The following ZNF571 variants were observed in gnomAD, a reference collection of about 807,000 sequenced individuals.
ZNF571 encodes zinc finger protein 571.
Under a neutral mutation model 7.7 loss-of-function variants are expected in ZNF571, and 4 were observed. That is an observed-to-expected ratio of 0.52 (90% CI 0.25 to 1.18). The LOEUF (loss-of-function observed/expected upper bound fraction) is 1.18, where lower values mean the gene tolerates loss of function less well. Among genes scored for constraint, ZNF571 ranks in the 50% most tolerant of loss-of-function variants. The pLI, the probability that ZNF571 is intolerant of heterozygous loss-of-function variation, is 0.14. For synonymous variants in ZNF571, 251 were observed against 232.4 expected (o/e 1.08, Z -0.73); for missense variants, 704 against 726.9 (o/e 0.97, Z 0.36).
At chr19:37,570,762 C>T (rs1033511693) in intron 3 of ZNF571, among the ~76,000 whole-genome samples, 2 of 152,138 alleles carry the variant, frequency 1.3e-5, no homozygotes, top group Non-Finnish European at 1.5e-5. Flanking sequence ...AATTCAAATA[C>T]TACCAAACTT....
Position 37,586,705 on chromosome 19 carries a change from G to C in ZNF571, c.-29C>G. On this transcript the variant is annotated 5_prime_UTR_variant, in exon 2 of 4. Coordinates refer to ENST00000451802, the MANE Select transcript of ZNF571 (RefSeq NM_016536.5). ...TTTTTAGAACTGATCAATTTTCTGG[G>C]TTCTTCTCCTGGAGGTGTGCAAAGT... is the stretch of plus-strand genomic sequence containing the variant. 6.2e-7 allele frequency: 1 copy of C among 1,613,920 alleles called. No homozygotes were observed. The highest frequency in any genetic ancestry group is 1.1e-5 in the South Asian group (1 of 91,052).
At chr19:37,587,724 G>C (rs942084534) in intron 1 of ZNF571, among the ~76,000 whole-genome samples, 4 of 152,046 alleles carry the variant, frequency 2.6e-5, no homozygotes, top group Admixed American at 1.3e-4. Context: ...ATTTTGTTGG[G>C]TATAGTTGAG....
intron 3 of ZNF571, among the ~76,000 whole-genome samples, chr19:37,580,325 TCTTC>T (rs2043408833): frequency 6.6e-6 from 1 of 152,230 alleles, no homozygotes; most frequent in East Asian, 1.9e-4. Flanking sequence ...ATAGCTGCAG[TCTTC>T]ACCATCACAG....
chr19:37,570,440 T>C (rs534796507), intron 3 of ZNF571, among the ~76,000 whole-genome samples: 1 of 152,302 alleles, frequency 6.6e-6, no homozygotes, highest in African/African-American at 2.4e-5. Context: ...AAGATAGACA[T>C]AATTATAGCA....
intron 1 of ZNF571, among the ~76,000 whole-genome samples, chr19:37,589,516 G>A (rs924571987): frequency 1.3e-5 from 2 of 151,948 alleles, no homozygotes; most frequent in African/African-American, 2.4e-5. Flanking sequence ...CATTCAACAT[G>A]TAAAATGCTC....
intron 3 of ZNF571, among the ~76,000 whole-genome samples, chr19:37,578,922 G>C (rs1049330797): frequency 3.0e-4 from 46 of 152,188 alleles, no homozygotes; most frequent in African/African-American, 1.1e-3. Context: ...GCCCTAAACA[G>C]TGAAGTTCGG....
intron 3 of ZNF571, among the ~76,000 whole-genome samples, chr19:37,572,020 A>AT (rs371342978): frequency 2.0e-4 from 2 of 9,878 alleles, no homozygotes; most frequent in African/African-American, 9.6e-4. Flanking sequence ...GGCCATAATT[A>AT]GTACATTAGT....
rs201847427 is a variant in ZNF571, at chr19:37,566,202, G to A, written c.226C>T (p.Arg76Cys). The A allele has an allele frequency of 9.2e-5, 148 of 1,613,690 alleles. No individual in the cohort carries two copies. Among genetic ancestry groups the A allele is most frequent in the Non-Finnish European group, 9.7e-5 (114 of 1,179,884 alleles). Residue 76 changes from arginine to cysteine, a missense_variant, in exon 4 of 4, where the codon CGT (arginine) becomes TGT (cysteine). Physicochemically the swap from Arg to Cys is radical, Grantham distance 180 (BLOSUM62 -3). Transcript: ENST00000451802. ...TTGTATTGAAGGTGATGGTTGATAC[G>A]TTTCCCCATATTCTCCCACTGGAGT... ...ESLQWENMGK[R>C]INHHLQYNGL...
rs1490606367 is a variant in ZNF571, at chr19:37,566,135, C to T, written c.293G>A (p.Gly98Asp). ...AAGCCCTTCCTGACTTGCTTCTTGA[C>T]CCTCTAAGTTGCCTTTGCACTCCAT... ...DNMECKGNLE[G>D]QEASQEGLYM... The change falls in exon 4 of 4, where the codon GGT becomes GAT. Residue 98 changes from glycine to aspartate, a missense_variant. By Grantham distance (94) the Gly-to-Asp change is moderately conservative. Transcript: ENST00000451802. The T allele has an allele frequency of 6.2e-7, 1 of 1,613,976 alleles. No homozygotes were observed. The highest frequency in any genetic ancestry group is 1.1e-5 in the South Asian group (1 of 91,070).
rs368992991 is a variant in ZNF571, at chr19:37,565,946, T to G, written c.482A>C (p.His161Pro). ...AACTTCAGAGCATTTTTCTATATTATGATTTTCCTCATGTTGAATAAGGCA... is the reference window on the plus strand; with the variant it reads ...AACTTCAGAGCATTTTTCTATATTAGGATTTTCCTCATGTTGAATAAGGCA... ...LSCLIQHEEN[H>P]NIEKCSEVKK... The change falls in exon 4 of 4, where the codon CAT (histidine) becomes CCT (proline). Residue 161 changes from histidine (H) to proline (P), a missense_variant. Physicochemically the swap from His to Pro is moderately conservative, Grantham distance 77. Transcript: ENST00000451802. 1 of 1,613,752 alleles carries G rather than the reference T, an allele frequency of 6.2e-7. No individual in the cohort carries two copies. Among genetic ancestry groups the G allele is most frequent in the Non-Finnish European group, 8.5e-7 (1 of 1,179,840 alleles).
rs372752568 is a variant in ZNF571 at position 37,565,454 on chromosome 19, T to C, written c.974A>G (p.His325Arg). The change falls in exon 4 of 4, where the codon CAT (histidine) becomes CGT (arginine). Residue 325 changes from histidine to arginine, a missense_variant. By Grantham distance (29) the His-to-Arg change is conservative. Coordinates refer to ENST00000451802, the MANE Select transcript of ZNF571 (RefSeq NM_016536.5). Reference protein sequence around the residue: ...AFILGSHLTYHQRVHTGEKPY... With the variant: ...AFILGSHLTYRQRVHTGEKPY... ...CTTTTCACCAGTATGAACTCTCTGA[T>C]GGTATGTAAGGTGTGAACCAAGAAT... 1 of 1,613,222 alleles carries C rather than the reference T, an allele frequency of 6.2e-7. No individual in the cohort carries two copies. The highest frequency in any genetic ancestry group is 1.3e-5 in the African/African-American group (1 of 74,848).
chr19:37,586,026 C>G (rs913941903), intron 2 of ZNF571: 4 of 152,244 alleles, frequency 2.6e-5, no homozygotes, highest in Non-Finnish European at 5.9e-5. Flanking sequence ...CCAGAAGGAA[C>G]ATGGCTCTGC....
chr19:37,564,935 C>T lies in ZNF571; in HGVS notation c.1493G>A (p.Gly498Asp). 1.9e-6 allele frequency: 3 copies of T among 1,613,950 alleles called. No individual in the cohort carries two copies. The highest frequency in any genetic ancestry group is 1.1e-5 in the South Asian group (1 of 91,068). The change falls in exon 4 of 4, where the codon GGT (glycine) becomes GAT (aspartate). Residue 498 changes from glycine (G) to aspartate (D), a missense_variant. Transcript: ENST00000451802. ...QLTYHQRIHT[G>D]EKPYKCKECD... ...TTCCTTACATTTGTAGGGCTTTTCA[C>T]CTGTATGAATTCTTTGATGATATGT...
chr19:37,567,297 G>T (rs2042894987), intron 3 of ZNF571, among the ~76,000 whole-genome samples: 1 of 152,034 alleles, frequency 6.6e-6, no homozygotes, highest in Non-Finnish European at 1.5e-5. Flanking sequence ...CACATTGCTG[G>T]CATTCAATAT....
At chr19:37,583,724 A>G in intron 3 of ZNF571, 1 of 370,986 alleles carries the variant, frequency 2.7e-6, no homozygotes, top group Non-Finnish European at 4.9e-6. Context: ...GTGCATGGTC[A>G]TGCTAGGGGA....
intron 3 of ZNF571, among the ~76,000 whole-genome samples, chr19:37,575,322 T>C (rs1377992775): frequency 1.3e-5 from 2 of 152,354 alleles, no homozygotes; most frequent in Middle Eastern, 3.4e-3. Flanking sequence ...CCCATGCATA[T>C]AAGCATATAC....
At chr19:37,585,574 A>C (rs1249950058) in intron 2 of ZNF571, 1 of 152,174 alleles carries the variant, frequency 6.6e-6, no homozygotes, top group Admixed American at 6.5e-5. Context: ...TTTCCCTTAA[A>C]AACCCCTGAT....
chr19:37,585,231 G>T (rs1005246551), intron 2 of ZNF571: 1 of 152,114 alleles, frequency 6.6e-6, no homozygotes, highest in Non-Finnish European at 1.5e-5. Context: ...CAGAATAAAG[G>T]CCCCCCAAAC....
intron 3 of ZNF571, among the ~76,000 whole-genome samples, chr19:37,582,159 C>T (rs1407383976): frequency 6.6e-6 from 1 of 152,164 alleles, no homozygotes; most frequent in African/African-American, 2.4e-5. Flanking sequence ...CACTGTCCCA[C>T]TCTAGTTTTT....
Sources: allele counts gnomAD v4.1 joint callset (sites outside exome capture counted in the v4.1 genomes callset), GRCh38; gene constraint gnomAD v4.1.1; transcripts MANE v1.5; gene names NCBI Gene and HGNC (gene_info 2026-07-23, HGNC 2026-07-21).